DMD: variants seen among roughly 807,000 people sequenced by gnomAD.
The protein encoded by DMD is mutant dystrophin.
In DMD, 63 loss-of-function variants were observed where a neutral mutation model predicts 330.1. The observed-to-expected ratio is 0.19, with a 90% CI of 0.16 to 0.24. The LOEUF (loss-of-function observed/expected upper bound fraction) is 0.24, where lower values mean the gene tolerates loss of function less well. Ranked by LOEUF, DMD falls within the 10% of genes least tolerant of loss-of-function variation. The pLI is 1.00. For missense variants in DMD, 3,344 were observed against 2,684.1 expected (o/e 1.25, Z -5.43); for synonymous variants, 1,223 against 959.8 (o/e 1.27, Z -5.07).
At chrX:32,984,501 C>T (rs1407813720) in intron 2 of DMD, among the ~76,000 whole-genome samples, 2 of 111,682 alleles carry the variant, frequency 1.8e-5, no homozygotes, top group Admixed American at 9.5e-5. Flanking sequence ...GTGATCCACC[C>T]GCTTTGGCCG....
At chrX:32,093,766 G>A (rs1242631463) in intron 44 of DMD, among the ~76,000 whole-genome samples, 1 of 110,580 alleles carries the variant, frequency 9.0e-6, no homozygotes, top group Non-Finnish European at 1.9e-5. Context: ...TAAGACAATG[G>A]CCCACAGAAT....
intron 37 of DMD, among the ~76,000 whole-genome samples, chrX:32,350,370 C>T (rs2097777231): frequency 9.0e-6 from 1 of 111,333 alleles, no homozygotes; most frequent in Non-Finnish European, 1.9e-5. Context: ...GTTTCACATT[C>T]CTAGTATGGA....
intron 62 of DMD, among the ~76,000 whole-genome samples, chrX:31,283,787 C>G (rs2052809269): frequency 8.9e-6 from 1 of 111,889 alleles, no homozygotes; most frequent in African/African-American, 3.2e-5. Context: ...GTAACACCTT[C>G]CTTTCCAACA....
chrX:31,284,557 TTTCTTCTTC>T (rs201340042), intron 62 of DMD, among the ~76,000 whole-genome samples: 2,715 of 78,030 alleles, frequency 0.035, 76 homozygotes, highest in African/African-American at 0.049. Flanking sequence ...TAACGAACTG[TTTCTTCTTC>T]TTCTTCTTCT....
chrX:32,189,382 A>C (rs959046725), intron 44 of DMD, among the ~76,000 whole-genome samples: 7 of 110,185 alleles, frequency 6.4e-5, no homozygotes, highest in East Asian at 2.8e-4. Context: ...AAAAAAAAAA[A>C]AACAACTTTG....
chrX:31,661,256 G>GTT (rs1310316008), intron 53 of DMD, among the ~76,000 whole-genome samples: 1 of 112,047 alleles, frequency 8.9e-6, no homozygotes, highest in Non-Finnish European at 1.9e-5. Flanking sequence ...TACTGCCCAG[G>GTT]TTTTGTGAGG....
intron 50 of DMD, among the ~76,000 whole-genome samples, chrX:31,813,552 T>C (rs764897154): frequency 2.9e-4 from 33 of 112,372 alleles, no homozygotes; most frequent in Non-Finnish European, 5.8e-4. Flanking sequence ...TCTGCCATGA[T>C]TGTGAGGCCT....
chrX:32,665,463 T>TCAACAAG (rs2061241480), intron 9 of DMD, among the ~76,000 whole-genome samples: 1 of 112,397 alleles, frequency 8.9e-6, no homozygotes, highest in African/African-American at 3.2e-5. Flanking sequence ...AATTTTGTTA[T>TCAACAAG]TGTGCCAATT....
intron 42 of DMD, among the ~76,000 whole-genome samples, chrX:32,292,528 C>T (rs1476672602): frequency 1.8e-5 from 2 of 109,028 alleles, no homozygotes; most frequent in South Asian, 4.1e-4. Context: ...AGGATGGTCT[C>T]GATCTCCTGA....
chrX:31,217,847 G>T (rs945088553), intron 64 of DMD, among the ~76,000 whole-genome samples: 11 of 111,983 alleles, frequency 9.8e-5, no homozygotes, highest in Non-Finnish European at 1.7e-4. Context: ...ACTTAATTTA[G>T]ATACATACAC....
chrX:32,641,826 C>T (rs1304822785), intron 11 of DMD, among the ~76,000 whole-genome samples: 3 of 110,178 alleles, frequency 2.7e-5, no homozygotes, highest in Non-Finnish European at 5.7e-5. Context: ...AAAGAAGTAT[C>T]GATGAATCCA....
At chrX:31,352,623 T>C (rs771222654) in intron 60 of DMD, among the ~76,000 whole-genome samples, 1 of 112,035 alleles carries the variant, frequency 8.9e-6, no homozygotes, top group South Asian at 3.8e-4. Context: ...ATTGTCAAGA[T>C]TTTAAAATGA....
chrX:31,859,753 G>A, intron 48 of DMD, among the ~76,000 whole-genome samples: 1 of 112,517 alleles, frequency 8.9e-6, no homozygotes, highest in Non-Finnish European at 1.9e-5. Context: ...AAAAAGTTAT[G>A]ATTAGAAGAA....
chrX:33,046,916 T>C (rs757430226), intron 1 of DMD, among the ~76,000 whole-genome samples: 6 of 112,157 alleles, frequency 5.3e-5, no homozygotes, highest in Admixed American at 9.5e-5. Context: ...TTAATCCACA[T>C]TACATATGAG....
intron 50 of DMD, among the ~76,000 whole-genome samples, chrX:31,809,399 T>C (rs1156785546): frequency 1.8e-5 from 2 of 109,178 alleles, no homozygotes; most frequent in African/African-American, 6.6e-5. Context: ...TTTGAAGGTG[T>C]GATAATTATT....
intron 47 of DMD, among the ~76,000 whole-genome samples, chrX:31,897,384 C>T (rs1218386508): frequency 3.8e-5 from 4 of 106,601 alleles, no homozygotes; most frequent in African/African-American, 1.0e-4. Context: ...AATAAACATA[C>T]GTGTGCATGT....
intron 44 of DMD, among the ~76,000 whole-genome samples, chrX:32,045,409 C>T (rs1033918371): frequency 5.3e-4 from 54 of 102,664 alleles, no homozygotes; most frequent in Non-Finnish European, 1.0e-3. Context: ...ATGTGACATG[C>T]TTACTCCTGT....
chrX:31,721,065 CTGATAG>C (rs2085433001), intron 52 of DMD, among the ~76,000 whole-genome samples: 1 of 111,377 alleles, frequency 9.0e-6, no homozygotes, highest in Admixed American at 9.5e-5. Flanking sequence ...TACAATTACT[CTGATAG>C]AACTCTGAAA....
intron 55 of DMD, among the ~76,000 whole-genome samples, chrX:31,616,601 A>G (rs760113565): frequency 8.9e-6 from 1 of 112,326 alleles, no homozygotes; most frequent in East Asian, 2.8e-4. Flanking sequence ...TTCATGTGAC[A>G]CACACAGTCT....
Sources: allele counts gnomAD v4.1 joint callset (sites outside exome capture counted in the v4.1 genomes callset), GRCh38; gene constraint gnomAD v4.1.1; transcripts MANE v1.5; gene names NCBI Gene and HGNC (gene_info 2026-07-23, HGNC 2026-07-21).